ZNF30: variants seen among roughly 807,000 people sequenced by gnomAD.
The protein encoded by ZNF30 is zinc finger protein 30, also known as zinc finger protein 30 (KOX 28).
Under a neutral mutation model 13.2 loss-of-function variants are expected in ZNF30, and 15 were observed. That is an observed-to-expected ratio of 1.13 (90% confidence interval 0.76 to 1.75). The LOEUF (loss-of-function observed/expected upper bound fraction) is 1.75. Ranked by LOEUF, ZNF30 falls within the 40% of genes most tolerant of loss-of-function variation. The pLI, the probability that ZNF30 is intolerant of heterozygous loss-of-function variation, is 0.00. For missense variants in ZNF30, 726 were observed against 757.0 expected, an observed-to-expected ratio of 0.96 and a Z score of 0.48; for synonymous variants, 223 against 256.6, an observed-to-expected ratio of 0.87 and a Z score of 1.25.
intron 4 of ZNF30, among the ~76,000 whole-genome samples, chr19:34,938,747 T>C (rs2012870973): frequency 6.6e-6 from 1 of 152,190 alleles, no homozygotes; most frequent in South Asian, 2.1e-4. Context: ...CCTGTGGTTG[T>C]CTTGGCTCTA....
intron 1 of ZNF30, 95 bp from the exon 2 acceptor site, chr19:34,929,787 GCA>G: frequency 1.5e-6 from 1 of 650,084 alleles, no homozygotes; most frequent in South Asian, 2.5e-5. Flanking sequence ...GGTGTTTGTA[GCA>G]CAGTTTGGAA....
At chr19:34,926,864 A>G (rs915467785), upstream of ZNF30, 8 of 397,558 alleles carry the variant, frequency 2.0e-5, no homozygotes, top group African/African-American at 1.6e-4. Flanking sequence ...TCTCAGCCGG[A>G]CGGGAGCGCC....
intron 2 of ZNF30, among the ~76,000 whole-genome samples, chr19:34,931,275 G>C (rs2012439007): frequency 6.6e-6 from 1 of 152,190 alleles, no homozygotes; most frequent in South Asian, 2.1e-4. Flanking sequence ...GACCTCGTGT[G>C]ATCCACCCAC....
chr19:34,939,424 C>T (rs1022402291), intron 4 of ZNF30, among the ~76,000 whole-genome samples: 3 of 151,716 alleles, frequency 2.0e-5, no homozygotes, highest in South Asian at 2.1e-4. Context: ...GTGATCCACC[C>T]GCTTCGGCCT....
rs540764039 is a variant in ZNF30 at position 34,933,662 on chromosome 19, A to T, written c.195A>T (p.Leu65Phe). ...GTTCTAAACCACATGTGATCGCCTT[A>T]TTGGAACAATGGAAAGAGCCTGAAG... ...HSRSKPHVIA[L>F]LEQWKEPEVT... Residue 65 changes from leucine (L) to phenylalanine (F), a missense_variant, in exon 4 of 5, where the codon TTA (leucine) becomes TTT (phenylalanine). Leu to Phe is a conservative substitution (Grantham distance 22). Coordinates refer to ENST00000601142, the MANE Select transcript of ZNF30 (RefSeq NM_194325.3). The T allele has an allele frequency of 8.7e-6, 14 of 1,601,868 alleles. No individual in the cohort carries two copies. Among genetic ancestry groups the T allele is most frequent in the Non-Finnish European group, 1.1e-5 (13 of 1,173,936 alleles).
intron 2 of ZNF30, among the ~76,000 whole-genome samples, chr19:34,931,093 A>G (rs1373359343): frequency 1.4e-5 from 2 of 143,320 alleles, no homozygotes; most frequent in Non-Finnish European, 3.0e-5. Flanking sequence ...GCTAGAGTAC[A>G]GTGGCACAAT....
In ZNF30 at chr19:34,943,508, G is replaced by T. The variant is rs951193080; in HGVS notation, c.542G>T (p.Cys181Phe). 1 of 1,613,706 alleles carries T rather than the reference G, an allele frequency of 6.2e-7. No individual in the cohort carries two copies. The highest frequency in any genetic ancestry group is 1.6e-4 in the Middle Eastern group (1 of 6,062). ...VGEKPYKYEKCGKAFISGSAF... is the reference protein window; with the variant it reads ...VGEKPYKYEKFGKAFISGSAF... ...GAGAAACCCTATAAATATGAAAAAT[G>T]TGGGAAGGCCTTTATCAGTGGCTCA... The change falls in exon 5 of 5, where the codon TGT becomes TTT. Residue 181 changes from cysteine to phenylalanine, a missense_variant. Transcript: ENST00000601142.
Position 34,943,798 on chromosome 19 carries a change from C to T in ZNF30, c.832C>T (p.His278Tyr). ...AFSTFSYLVQ[H>Y]QRIHTSEKPY... ...CAGTACCTTTTCATACCTGGTTCAA[C>T]ATCAGCGAATTCATACCAGTGAAAA... Residue 278 changes from histidine (H) to tyrosine (Y), a missense_variant, in exon 5 of 5, where the codon CAT becomes TAT. His to Tyr is a moderately conservative substitution (Grantham distance 83). Coordinates refer to ENST00000601142, the MANE Select transcript of ZNF30 (RefSeq NM_194325.3). The T allele has an allele frequency of 6.2e-7, 1 of 1,614,018 alleles. No homozygotes were observed. The highest frequency in any genetic ancestry group is 8.5e-7 in the Non-Finnish European group (1 of 1,179,948).
At chr19:34,939,469 T>C (rs1191090173) in intron 4 of ZNF30, among the ~76,000 whole-genome samples, 1 of 151,360 alleles carries the variant, frequency 6.6e-6, no homozygotes. Flanking sequence ...TGAGCCACCG[T>C]GCCCGGCCTA....
chr19:34,927,898 G>T (rs542042409), intron 1 of ZNF30, among the ~76,000 whole-genome samples: 1 of 152,004 alleles, frequency 6.6e-6, no homozygotes, highest in Non-Finnish European at 1.5e-5. Context: ...AGAAACTTAC[G>T]TTTTAAGTAA....
intron 4 of ZNF30, chr19:34,942,463 A>T: frequency 2.7e-6 from 1 of 372,900 alleles, no homozygotes; most frequent in South Asian, 2.9e-5. Flanking sequence ...AAGAAAAGAA[A>T]AAAAGAAAAA....
intron 4 of ZNF30, among the ~76,000 whole-genome samples, chr19:34,936,085 A>C (rs1415951678): frequency 6.6e-6 from 1 of 152,182 alleles, no homozygotes; most frequent in Admixed American, 6.5e-5. Flanking sequence ...TCTCCCACCA[A>C]GTCCCTCCCA....
At chr19:34,925,109 C>CGG (rs1337787513), upstream of ZNF30, among the ~76,000 whole-genome samples, 1 of 152,034 alleles carries the variant, frequency 6.6e-6, no homozygotes, top group East Asian at 1.9e-4. Context: ...AGTATACAGA[C>CGG]GGGCGGGCTG....
chr19:34,928,931 T>C (rs2012280488), intron 1 of ZNF30, among the ~76,000 whole-genome samples: 1 of 152,192 alleles, frequency 6.6e-6, no homozygotes, highest in African/African-American at 2.4e-5. Context: ...CCGTCAGACA[T>C]CTACTGAGGA....
chr19:34,934,952 G>A (rs891829095), intron 4 of ZNF30, among the ~76,000 whole-genome samples: 16 of 152,160 alleles, frequency 1.1e-4, no homozygotes, highest in East Asian at 3.9e-4. Flanking sequence ...AAAACAGGCC[G>A]GGCGCGGTGG....
rs927032592 is a variant in ZNF30, at chr19:34,945,038, G to A, written c.*200G>A. The A allele has an allele frequency of 5.7e-6, 3 of 527,262 alleles. No individual in the cohort carries two copies. Among genetic ancestry groups the A allele is most frequent in the African/African-American group, 1.9e-5 (1 of 52,780 alleles). The allele number at this position is 527,262 out of a possible 1,614,324, so 32.7% of individuals were successfully genotyped here. On this transcript the variant is annotated 3_prime_UTR_variant, in exon 5 of 5. Transcript: ENST00000601142. The stretch of plus-strand genomic sequence containing the variant: ...TTGTAATACCAATATTTATACTGGT[G>A]GACCATTCAGAAAAAGTGGGAAACG...
chr19:34,925,725 AC>A (rs2012045521), upstream of ZNF30, among the ~76,000 whole-genome samples: 1 of 151,984 alleles, frequency 6.6e-6, no homozygotes, highest in African/African-American at 2.4e-5. Flanking sequence ...CTAGCCAGGG[AC>A]CACACCCTCC....
At chr19:34,926,886 G>A (rs570451234), upstream of ZNF30, 7 of 397,910 alleles carry the variant, frequency 1.8e-5, no homozygotes, top group African/African-American at 1.4e-4. Context: ...AGAAGTCTCC[G>A]GGCGCCGGTG....
At chr19:34,934,950 C>T (rs1719168688) in intron 4 of ZNF30, among the ~76,000 whole-genome samples, 2 of 152,128 alleles carry the variant, frequency 1.3e-5, no homozygotes, top group African/African-American at 4.8e-5. Context: ...AAAAAACAGG[C>T]CGGGCGCGGT....
Sources: allele counts gnomAD v4.1 joint callset (sites outside exome capture counted in the v4.1 genomes callset), GRCh38; gene constraint gnomAD v4.1.1; transcripts MANE v1.5; gene names NCBI Gene and HGNC (gene_info 2026-07-23, HGNC 2026-07-21).